FGF1: variants seen among roughly 807,000 people sequenced by gnomAD.
FGF1 encodes the protein fibroblast growth factor 1.
Under a neutral mutation model 13.4 loss-of-function variants are expected in FGF1, and 9 were observed. The ratio of observed to expected loss-of-function variants is 0.67; its 90% CI spans 0.40 to 1.17. FGF1 has a LOEUF of 1.17. Among genes scored for constraint, FGF1 ranks in the 50% most tolerant of loss-of-function variants. The pLI, the probability that FGF1 is intolerant of heterozygous loss-of-function variation, is 0.01. For missense variants in FGF1, 156 were observed against 192.7 expected (o/e 0.81, Z 1.13); for synonymous variants, 93 against 79.0 (o/e 1.18, Z -0.94).
chr5:142,614,238 G>T, intron 1 of FGF1, 77 bp from the exon 2 acceptor site: 1 of 1,167,678 alleles, frequency 8.6e-7, no homozygotes, highest in Non-Finnish European at 1.2e-6. Context: ...AGGAAGGACA[G>T]CTCCAGGGCA....
At chr5:142,656,224 A>AT (rs1768118617) in intron 1 of FGF1, among the ~76,000 whole-genome samples, 2 of 152,136 alleles carry the variant, frequency 1.3e-5, no homozygotes, top group South Asian at 4.2e-4. Flanking sequence ...GCCATAGAAA[A>AT]TGGATGGTTA....
At chr5:142,632,353 T>C (rs1763509030) in intron 1 of FGF1, among the ~76,000 whole-genome samples, 1 of 152,208 alleles carries the variant, frequency 6.6e-6, no homozygotes, top group Non-Finnish European at 1.5e-5. Context: ...GCTTCTTTTC[T>C]CTCTGCAGTG....
chr5:142,664,004 G>A (rs1219358255), intron 1 of FGF1, among the ~76,000 whole-genome samples: 2 of 152,110 alleles, frequency 1.3e-5, no homozygotes, highest in Non-Finnish European at 2.9e-5. Context: ...CCTATACCAT[G>A]GAGGCTTATG....
intron 2 of FGF1, among the ~76,000 whole-genome samples, chr5:142,606,634 G>T (rs965452344): frequency 6.6e-6 from 1 of 151,884 alleles, no homozygotes; most frequent in Non-Finnish European, 1.5e-5. Context: ...GAAAAGAAAA[G>T]AAAAAGAACA....
At chr5:142,625,187 A>G (rs1762250463) in intron 1 of FGF1, among the ~76,000 whole-genome samples, 1 of 152,176 alleles carries the variant, frequency 6.6e-6, no homozygotes, top group African/African-American at 2.4e-5. Context: ...TAAGAGGGAC[A>G]TAGATGCTTG....
In FGF1 at chr5:142,600,707, C is replaced by T. The variant is rs762894941; in HGVS notation, c.268G>A (p.Gly90Ser). Reference protein sequence around the residue: ...LAMDTDGLLYGSQTPNEECLF... With the variant: ...LAMDTDGLLYSSQTPNEECLF... ...CATGTCAGCTTCATACTTACTGAGCCGTATAAAAGCCCGTCGGTGTCCATG... is the reference window on the plus strand; with the variant it reads ...CATGTCAGCTTCATACTTACTGAGCTGTATAAAAGCCCGTCGGTGTCCATG... The change falls in exon 3 of 4, where the codon GGC becomes AGC. Residue 90 changes from glycine to serine, a missense_variant. By Grantham distance (56) the Gly-to-Ser change is moderately conservative. Transcript: ENST00000337706. 45 of 1,608,244 alleles carry T rather than the reference C, an allele frequency of 2.8e-5. No homozygotes were observed. The highest frequency in any genetic ancestry group is 2.4e-4 in the South Asian group (22 of 90,956).
intron 1 of FGF1, among the ~76,000 whole-genome samples, chr5:142,674,345 C>T (rs1772079124): frequency 6.6e-6 from 1 of 152,140 alleles, no homozygotes; most frequent in South Asian, 2.1e-4. Flanking sequence ...TGTTGTTCTA[C>T]CTCTGGGGAG....
At chr5:142,637,002 G>A (rs1764362078) in intron 1 of FGF1, among the ~76,000 whole-genome samples, 1 of 151,978 alleles carries the variant, frequency 6.6e-6, no homozygotes, top group Non-Finnish European at 1.5e-5. Flanking sequence ...GAAAGGCAAG[G>A]AAATCAGCTG....
intron 1 of FGF1, among the ~76,000 whole-genome samples, chr5:142,674,443 G>A (rs982218457): frequency 6.6e-6 from 1 of 152,204 alleles, no homozygotes; most frequent in Non-Finnish European, 1.5e-5. Context: ...ACCTTTCCAA[G>A]GCAGCCCCAT....
chr5:142,658,456 C>T (rs1420982911), intron 1 of FGF1, among the ~76,000 whole-genome samples: 1 of 152,212 alleles, frequency 6.6e-6, no homozygotes, highest in Non-Finnish European at 1.5e-5. Flanking sequence ...GCATGGCATT[C>T]AAGGCTCTTG....
chr5:142,653,689 G>A (rs1021258926), intron 1 of FGF1, among the ~76,000 whole-genome samples: 20 of 152,170 alleles, frequency 1.3e-4, no homozygotes, highest in Non-Finnish European at 2.8e-4. Flanking sequence ...CTCTCATTGT[G>A]CTGCCTGCCT....
intron 2 of FGF1, among the ~76,000 whole-genome samples, chr5:142,604,722 G>GT (rs1757274045): frequency 6.6e-6 from 1 of 152,174 alleles, no homozygotes; most frequent in African/African-American, 2.4e-5. Context: ...CTGAAGTTTG[G>GT]TGAGAGTGTG....
chr5:142,595,268 T>G lies in FGF1; in HGVS notation c.*22A>C. On this transcript the variant is annotated 3_prime_UTR_variant, in exon 4 of 4. Transcript: ENST00000337706. The stretch of plus-strand genomic sequence containing the variant: ...ACCCCTCGAAACTTCTCTGGAGTGG[T>G]CAACACCCAGAACAGATCTCTTTAA... The G allele has an allele frequency of 6.2e-7, 1 of 1,606,566 alleles. No individual in the cohort carries two copies. Among genetic ancestry groups the G allele is most frequent in the Non-Finnish European group, 8.5e-7 (1 of 1,176,342 alleles).
intron 2 of FGF1, 134 bp from the exon 3 acceptor site, chr5:142,600,939 T>G: frequency 1.5e-6 from 1 of 653,280 alleles, no homozygotes; most frequent in South Asian, 1.8e-5. Context: ...AGCCTCAGAT[T>G]AATCAAAACA....
In FGF1 at chr5:142,656,659, A is replaced by G. The variant is rs373475624; in HGVS notation, c.-35+29298T>C. On this transcript the variant is annotated intron_variant, in intron 1 of 3. Transcript: ENST00000337706. ...TGTTGCTTCAGAATGGAGTGATAAA[A>G]TAAGTTATGGGTCTAAGCAAATAGC... Among the ~76,000 whole-genome samples the G allele has an allele frequency of 1.3e-4, 20 of 152,372 alleles. No homozygotes were observed. The East Asian group carries it at 3.7e-3, about 28-fold the overall frequency.
chr5:142,643,651 G>C (rs186815629), intron 1 of FGF1, among the ~76,000 whole-genome samples: 58 of 152,316 alleles, frequency 3.8e-4, no homozygotes, highest in African/African-American at 1.3e-3. Flanking sequence ...ACCCATGAGA[G>C]AGGTGACCGC....
chr5:142,620,336 T>C (rs1261902824), intron 1 of FGF1, among the ~76,000 whole-genome samples: 1 of 151,970 alleles, frequency 6.6e-6, no homozygotes, highest in Non-Finnish European at 1.5e-5. Flanking sequence ...GAAAATGGTG[T>C]GAACCCAGGA....
upstream of FGF1, among the ~76,000 whole-genome samples, chr5:142,690,195 C>T (rs1482701946): frequency 6.6e-6 from 1 of 151,682 alleles, no homozygotes; most frequent in Admixed American, 6.6e-5. Flanking sequence ...GTGGCGGGCG[C>T]CTGTAGTCCC....
chr5:142,595,502 A>G lies in FGF1; in HGVS notation c.274-18T>C, dbSNP rs34003. ...GGTGTCTGCTAAAAAGATAAAACCA[A>G]AAGAGAGTAGGACAATCAGTGAGTA... On this transcript the variant is annotated intron_variant, in intron 3 of 3. Coordinates refer to ENST00000337706, the MANE Select transcript of FGF1 (RefSeq NM_000800.5). The G allele has an allele frequency of 1.9e-6, 3 of 1,607,018 alleles. No individual in the cohort carries two copies. The highest frequency in any genetic ancestry group is 2.6e-6 in the Non-Finnish European group (3 of 1,175,960).
Sources: gnomAD v4.1 joint callset for allele counts (sites outside exome capture counted in the v4.1 genomes callset) on GRCh38, gnomAD v4.1.1 for gene constraint, MANE v1.5 for transcripts, NCBI Gene and HGNC (gene_info 2026-07-23, HGNC 2026-07-21) for gene names.